The following CDH13 variants were observed in gnomAD, a reference collection of about 807,000 sequenced individuals.
The protein encoded by CDH13 is cadherin 13, also known as cadherin-13.
CDH13 carries 24 observed loss-of-function variants against 63.8 expected under a neutral mutation model. That is an observed-to-expected ratio of 0.38 (90% CI 0.27 to 0.53). The LOEUF (loss-of-function observed/expected upper bound fraction) is 0.53. CDH13 is among the 20% of genes least tolerant of loss of function. CDH13 has a pLI of 0.85. For synonymous variants in CDH13, 503 were observed against 355.3 expected (o/e 1.42, Z -4.67); for missense variants, 1,049 against 903.1 (o/e 1.16, Z -2.07).
intron 5 of CDH13, among the ~76,000 whole-genome samples, chr16:83,339,895 A>G (rs970757495): frequency 6.6e-6 from 1 of 152,222 alleles, no homozygotes; most frequent in Non-Finnish European, 1.5e-5. Context: ...TGGATGATCC[A>G]TAGGCCCACT....
chr16:82,888,848 T>G (rs778204924), intron 2 of CDH13, among the ~76,000 whole-genome samples: 4 of 152,212 alleles, frequency 2.6e-5, no homozygotes, highest in Non-Finnish European at 5.9e-5. Context: ...TTTTCTATAG[T>G]CTGTCTTGTG....
chr16:83,203,585 G>T (rs1394765885), intron 4 of CDH13, among the ~76,000 whole-genome samples: 4 of 145,834 alleles, frequency 2.7e-5, no homozygotes, highest in African/African-American at 1.0e-4. Context: ...TACTTGGGAG[G>T]CTGAGGCAGG....
intron 1 of CDH13, among the ~76,000 whole-genome samples, chr16:82,720,908 A>G (rs1012067183): frequency 1.3e-5 from 2 of 152,234 alleles, no homozygotes; most frequent in African/African-American, 4.8e-5. Context: ...GTAGATGCTC[A>G]GTAAATACTA....
chr16:82,806,786 T>C (rs1480187087), intron 1 of CDH13, among the ~76,000 whole-genome samples: 1 of 152,314 alleles, frequency 6.6e-6, no homozygotes, highest in Admixed American at 6.5e-5. Context: ...CCTGTTTCTC[T>C]AGCAGTGAAA....
chr16:82,681,688 G>T (rs1914565841), intron 1 of CDH13, among the ~76,000 whole-genome samples: 2 of 152,188 alleles, frequency 1.3e-5, no homozygotes, highest in South Asian at 4.1e-4. Flanking sequence ...TCAGCTTCCA[G>T]TAGCCAGCGC....
At chr16:83,117,991 A>G (rs2151632315) in intron 3 of CDH13, among the ~76,000 whole-genome samples, 1 of 152,292 alleles carries the variant, frequency 6.6e-6, no homozygotes, top group Non-Finnish European at 1.5e-5. Flanking sequence ...GAAACCGGAG[A>G]TCTTTGTGTA....
At chr16:83,135,729 G>A (rs1313345434) in intron 4 of CDH13, among the ~76,000 whole-genome samples, 2 of 152,284 alleles carry the variant, frequency 1.3e-5, no homozygotes, top group South Asian at 2.1e-4. Flanking sequence ...GCACACACAC[G>A]TTTATAGCAG....
Position 83,524,451 on chromosome 16 carries a change from T to C in CDH13, c.960+37796T>C, listed in dbSNP as rs1051715343. 3.1e-3 allele frequency among the ~76,000 whole-genome samples: 413 copies of C among 134,012 alleles called. 1 individual carries two copies. The highest frequency in any genetic ancestry group is 7.4e-3 in the Admixed American group (98 of 13,230). The allele number at this position is 134,012 out of a possible 152,430, so 87.9% of individuals were successfully genotyped here. On this transcript the variant is annotated intron_variant, in intron 7 of 13. Coordinates refer to ENST00000567109, the MANE Select transcript of CDH13 (RefSeq NM_001257.5). ...TCATGTCTTTTTCTTTTTTCTTTTT[T>C]TTTTTTTTTTTTTTTTTTTGAGATG...
intron 7 of CDH13, among the ~76,000 whole-genome samples, chr16:83,531,058 C>T (rs1351367787): frequency 6.6e-6 from 1 of 152,156 alleles, no homozygotes; most frequent in Non-Finnish European, 1.5e-5. Context: ...AAATAACTTT[C>T]TTCCGGTAAA....
intron 1 of CDH13, among the ~76,000 whole-genome samples, chr16:82,636,705 T>C (rs1357025488): frequency 1.3e-5 from 2 of 152,162 alleles, no homozygotes; most frequent in Non-Finnish European, 2.9e-5. Context: ...CAGTGGTATA[T>C]TGGTAAATGT....
chr16:83,211,147 CA>C (rs34346635), intron 4 of CDH13, among the ~76,000 whole-genome samples: 4,390 of 77,424 alleles, frequency 0.057, 40 homozygotes, highest in African/African-American at 0.079. Flanking sequence ...GATTCCATCT[CA>C]AAAAAAAAAA....
chr16:83,083,715 A>C (rs977299247), intron 3 of CDH13, among the ~76,000 whole-genome samples: 3 of 152,218 alleles, frequency 2.0e-5, no homozygotes, highest in Non-Finnish European at 4.4e-5. Flanking sequence ...CTAGCTATAA[A>C]TGGATGAAAT....
intron 4 of CDH13, among the ~76,000 whole-genome samples, chr16:83,136,185 A>C (rs2036275098): frequency 6.6e-6 from 1 of 151,916 alleles, no homozygotes; most frequent in Admixed American, 6.6e-5. Flanking sequence ...AAAAAAAAAA[A>C]AAAAGAAATA....
intron 5 of CDH13, among the ~76,000 whole-genome samples, chr16:83,289,525 T>C (rs1288099707): frequency 6.6e-6 from 1 of 152,230 alleles, no homozygotes; most frequent in Admixed American, 6.5e-5. Flanking sequence ...CTAAAAGATC[T>C]CTGCTGCATT....
intron 5 of CDH13, among the ~76,000 whole-genome samples, 178 bp downstream of exon 5, chr16:83,217,675 G>T (rs1019685152): frequency 6.6e-6 from 1 of 152,104 alleles, no homozygotes; most frequent in East Asian, 1.9e-4. Flanking sequence ...AACAGTGGGG[G>T]GTCTTTATCT....
intron 1 of CDH13, among the ~76,000 whole-genome samples, chr16:82,721,447 A>C (rs2032764170): frequency 6.6e-6 from 1 of 152,162 alleles, no homozygotes; most frequent in African/African-American, 2.4e-5. Flanking sequence ...GGAGTAGGGT[A>C]GAAGGTGCAG....
At chr16:82,817,405 G>A (rs1299058210) in intron 1 of CDH13, among the ~76,000 whole-genome samples, 2 of 152,098 alleles carry the variant, frequency 1.3e-5, no homozygotes, top group Admixed American at 1.3e-4. Context: ...GTGTACTCTA[G>A]GCCCCAGTTA....
chr16:83,474,312 G>A (rs558107815), intron 6 of CDH13, among the ~76,000 whole-genome samples: 2 of 152,260 alleles, frequency 1.3e-5, no homozygotes, highest in East Asian at 1.9e-4. Context: ...AGGAAATTGA[G>A]CCTCTGTAAG....
intron 1 of CDH13, among the ~76,000 whole-genome samples, chr16:82,680,446 T>C (rs963487379): frequency 2.0e-5 from 3 of 151,860 alleles, no homozygotes; most frequent in African/African-American, 7.3e-5. Context: ...AGTGTGATTC[T>C]TGTAGCAATT....
Sources: allele counts gnomAD v4.1 joint callset (sites outside exome capture counted in the v4.1 genomes callset), GRCh38; gene constraint gnomAD v4.1.1; transcripts MANE v1.5; gene names NCBI Gene and HGNC (gene_info 2026-07-23, HGNC 2026-07-21).